Variants in ACSF2 observed in about 807,000 individuals in gnomAD.
The protein encoded by ACSF2 is acyl-CoA synthetase family member 2.
Under a neutral mutation model 79.3 loss-of-function variants are expected in ACSF2, and 52 were observed. The observed-to-expected ratio is 0.66, with a 90% CI of 0.53 to 0.83. The LOEUF (loss-of-function observed/expected upper bound fraction) is 0.83, where lower values mean the gene tolerates loss of function less well. Among genes scored for constraint, ACSF2 ranks in the 40% least tolerant of loss-of-function variants. The pLI, the probability that ACSF2 is intolerant of heterozygous loss-of-function variation, is 0.00. For synonymous variants in ACSF2, 283 were observed against 312.6 expected, an observed-to-expected ratio of 0.91 and a Z score of 1.00; for missense variants, 661 against 803.3, an observed-to-expected ratio of 0.82 and a Z score of 2.14.
chr17:50,469,048 A>T, intron 10 of ACSF2: 1 of 1,310,140 alleles, frequency 7.6e-7, no homozygotes, highest in Non-Finnish European at 9.7e-7. Context: ...CCAGCCGGCT[A>T]CCGTGCATGA....
Position 50,472,507 on chromosome 17 carries a change from T to A in ACSF2, c.1403T>A (p.Val468Asp). 2 of 1,612,968 alleles carry A rather than the reference T, an allele frequency of 1.2e-6. No individual in the cohort carries two copies. The highest frequency in any genetic ancestry group is 1.7e-6 in the Non-Finnish European group (2 of 1,179,488). The change falls in exon 12 of 16, where the codon GTC becomes GAC. Residue 468 changes from valine (V) to aspartate (D), a missense_variant. By Grantham distance (152) the Val-to-Asp change is radical. Transcript: ENST00000300441. Reference sequence around the variant, plus strand: ...GAGCTGTGCATCCGAGGGTACTGCGTCATGCTGGGCTACTGGGGTGAGCCT... The same window carrying A: ...GAGCTGTGCATCCGAGGGTACTGCGACATGCTGGGCTACTGGGGTGAGCCT... Reference protein sequence around the residue: ...PGELCIRGYCVMLGYWGEPQK... With the variant: ...PGELCIRGYCDMLGYWGEPQK...
At chr17:50,439,232 CTTTTTTTTTTTTT>C (rs754203020) in intron 1 of ACSF2, among the ~76,000 whole-genome samples, 5 of 96,464 alleles carry the variant, frequency 5.2e-5, no homozygotes, top group African/African-American at 2.3e-4. Context: ...TACCACACAG[CTTTTTTTTTTTTT>C]TTTTTTTTTT....
At position 50,461,686 on chromosome 17, in the gene ACSF2, G is replaced by T; in HGVS notation, c.507G>T (p.Lys169Asn). ...TGGAACTGGAGTATGTCCTCAAGAA[G>T]GTACAGCTCATTTGTCGGGGAGGGG... is the stretch of plus-strand genomic sequence containing the variant. ...QAMELEYVLK[K>N]VGCKALVFPK... The change falls in exon 4 of 16, where the codon AAG (lysine) becomes AAT (asparagine). Residue 169 changes from lysine (K) to asparagine (N), a missense_variant and splice_region_variant. Physicochemically the swap from Lys to Asn is moderately conservative, Grantham distance 94 (BLOSUM62 0). Transcript: ENST00000300441. 1.2e-6 allele frequency: 2 copies of T among 1,614,070 alleles called. No homozygotes were observed. Among genetic ancestry groups the T allele is most frequent in the Non-Finnish European group, 1.7e-6 (2 of 1,179,982 alleles).
intron 1 of ACSF2, among the ~76,000 whole-genome samples, chr17:50,456,998 G>A (rs114584429): frequency 1.1e-4 from 17 of 152,196 alleles, no homozygotes; most frequent in African/African-American, 3.1e-4. Context: ...TTGGGAGGTC[G>A]AGGCTTCAGT....
intron 1 of ACSF2, among the ~76,000 whole-genome samples, chr17:50,429,560 C>G (rs1465269314): frequency 6.6e-6 from 1 of 151,664 alleles, no homozygotes; most frequent in Non-Finnish European, 1.5e-5. Context: ...CTCTTGTTGC[C>G]CCAGGCTGGA....
intron 1 of ACSF2, among the ~76,000 whole-genome samples, chr17:50,447,455 T>C (rs1273749146): frequency 6.6e-6 from 1 of 151,576 alleles, no homozygotes; most frequent in East Asian, 1.9e-4. Flanking sequence ...GACAGGAGGA[T>C]CTCTTGAGCC....
At chr17:50,438,013 T>A (rs2030574311) in intron 1 of ACSF2, among the ~76,000 whole-genome samples, 1 of 152,246 alleles carries the variant, frequency 6.6e-6, no homozygotes, top group Non-Finnish European at 1.5e-5. Context: ...TAATATATGT[T>A]GTGCTGAAGC....
In ACSF2 at chr17:50,474,625, C is replaced by T. The variant is rs2033264458; in HGVS notation, c.*73C>T. 1 of 1,450,598 alleles carries T rather than the reference C, an allele frequency of 6.9e-7. No homozygotes were observed. Among genetic ancestry groups the T allele is most frequent in the South Asian group, 1.1e-5 (1 of 87,486 alleles). 89.9% of individuals were successfully genotyped at this position (1,450,598 alleles called of 1,614,324 possible). A position where few individuals can be genotyped will look rare whatever the true frequency, so the allele number is the denominator to read the frequency against. On this transcript the variant is annotated 3_prime_UTR_variant, in exon 16 of 16. Transcript: ENST00000300441. The surrounding 1 kb of genome is among the most constrained non-coding windows in gnomAD (Gnocchi z 4.2). ...CAGAATGCAACCTGGCTTTATGCAC[C>T]TAGATGTCCCCAGCACCCAGTTCTG...
chr17:50,462,433 A>T lies in ACSF2; in HGVS notation c.640A>T (p.Thr214Ser). Reference sequence around the variant, plus strand: ...CCCCAACCCCAGGCTCCCAGATCTGACCACAGTCATCTCGGTGGATGCCCC... The same window carrying T: ...CCCCAACCCCAGGCTCCCAGATCTGTCCACAGTCATCTCGGTGGATGCCCC... ...ALKSQRLPDL[T>S]TVISVDAPLP... Residue 214 changes from threonine to serine, a missense_variant, in exon 6 of 16, where the codon ACC becomes TCC. Coordinates refer to ENST00000300441, the MANE Select transcript of ACSF2 (RefSeq NM_025149.6). 6.2e-7 allele frequency: 1 copy of T among 1,611,402 alleles called. No individual in the cohort carries two copies. Among genetic ancestry groups the T allele is most frequent in the Non-Finnish European group, 8.5e-7 (1 of 1,179,392 alleles).
rs1159535740 is a variant in ACSF2, at chr17:50,463,442, C to T, written c.936C>T (p.Cys312=). The T allele has an allele frequency of 6.2e-7, 1 of 1,614,154 alleles. No homozygotes were observed. Among genetic ancestry groups the T allele is most frequent in the South Asian group, 1.1e-5 (1 of 91,082 alleles). Reference sequence around the variant, plus strand: ...TCCTGCCCAACCCCCTGTACCATTGCCTGGGTTCCGTGGCAGGCACAATGA... The same window carrying T: ...TCCTGCCCAACCCCCTGTACCATTGTCTGGGTTCCGTGGCAGGCACAATGA... ...RMILPNPLYH[C]LGSVAGTMMC... Residue 312 remains cysteine (C), a synonymous_variant, in exon 8 of 16, where the codon TGC becomes TGT. Transcript: ENST00000300441. This position sits in a 1 kb window ranked among gnomAD's most constrained non-coding sequence, Gnocchi z 4.6.
chr17:50,462,585 G>C lies in ACSF2; in HGVS notation c.792G>C (p.Ser264=), dbSNP rs1369578487. Residue 264 remains serine, a splice_region_variant and synonymous_variant, in exon 6 of 16, where the codon TCG becomes TCC. Coordinates refer to ENST00000300441, the MANE Select transcript of ACSF2 (RefSeq NM_025149.6). ...ACCCCATCAACATCCAGTTCACCTC[G>C]GTAGGGCAGAGGTCTCCAGGCCCCA... The part of the protein sequence containing the change: ...CHDPINIQFT[S]GTTGSPKGAT... The C allele has an allele frequency of 1.1e-5, 17 of 1,612,322 alleles. No homozygotes were observed. The highest frequency in any genetic ancestry group is 1.4e-5 in the Non-Finnish European group (16 of 1,178,840).
At position 50,474,200 on chromosome 17, in the gene ACSF2, T is replaced by A; in HGVS notation, c.1730T>A (p.Ile577Asn). ...EEIKAFCKGK[I>N]SHFKIPKYIV... ...TACCTCCCTCCCTCTGGTCTGCAGA[T>A]CTCTCACTTCAAGATTCCGAAGTAC... Residue 577 changes from isoleucine (I) to asparagine (N), a missense_variant and splice_region_variant, in exon 15 of 16, where the codon ATC (isoleucine) becomes AAC (asparagine). Transcript: ENST00000300441. This position sits in a 1 kb window ranked among gnomAD's most constrained non-coding sequence, Gnocchi z 4.2. The A allele has an allele frequency of 6.2e-7, 1 of 1,614,126 alleles. No homozygotes were observed. The highest frequency in any genetic ancestry group is 1.1e-5 in the South Asian group (1 of 91,084).
At chr17:50,462,011 G>A (rs1025715062) in intron 4 of ACSF2, among the ~76,000 whole-genome samples, 173 bp from the exon 5 acceptor site, 10 of 151,504 alleles carry the variant, frequency 6.6e-5, no homozygotes, top group African/African-American at 2.2e-4. Context: ...TGTGTGTCTC[G>A]GGGCTGGTAC....
At chr17:50,457,699 A>C (rs556313477) in intron 1 of ACSF2, among the ~76,000 whole-genome samples, 68 of 152,298 alleles carry the variant, frequency 4.5e-4, no homozygotes, top group African/African-American at 1.6e-3. Flanking sequence ...TTGTTTACAT[A>C]CATTTCTCTT....
chr17:50,473,437 T>A, intron 12 of ACSF2: 1 of 560,804 alleles, frequency 1.8e-6, no homozygotes, highest in South Asian at 2.1e-5. Flanking sequence ...TATGTATAGA[T>A]GTGTTGAGAG....
At chr17:50,427,101 C>A in intron 1 of ACSF2, 3 of 1,015,326 alleles carry the variant, frequency 3.0e-6, no homozygotes, top group Non-Finnish European at 2.9e-6. Flanking sequence ...CTGTTAGCTT[C>A]AGCAGCACCA....
At position 50,473,879 on chromosome 17, in the gene ACSF2, C is replaced by A. The variant is rs1449915954; in HGVS notation, c.1618-15C>A. On this transcript the variant is annotated splice_polypyrimidine_tract_variant and intron_variant, in intron 13 of 15. Transcript: ENST00000300441. ...GAACACGGTGATGTCTGATATTTTT[C>A]TTTGGCCCTGGAAGGTGGTGGGAGT... The A allele has an allele frequency of 2.5e-6, 4 of 1,604,170 alleles. No homozygotes were observed. The highest frequency in any genetic ancestry group is 1.3e-5 in the African/African-American group (1 of 74,720).
intron 1 of ACSF2, among the ~76,000 whole-genome samples, chr17:50,437,986 A>G (rs1410363443): frequency 6.6e-6 from 1 of 152,222 alleles, no homozygotes; most frequent in Non-Finnish European, 1.5e-5. Flanking sequence ...CCCACCAGAG[A>G]GCCACCATCA....
chr17:50,463,973 G>T lies in ACSF2; in HGVS notation c.1138+64G>T, dbSNP rs536922711. On this transcript the variant is annotated intron_variant, in intron 9 of 15. Coordinates refer to ENST00000300441, the MANE Select transcript of ACSF2 (RefSeq NM_025149.6). The surrounding 1 kb of genome is among the most constrained non-coding windows in gnomAD (Gnocchi z 4.6). ...GCTGCTTCCCCCACAGGAATGGCCC[G>T]GGTGAGTTAGCTATGCTCCCAGTCT... is the stretch of plus-strand genomic sequence containing the variant. 2.0e-6 allele frequency: 3 copies of T among 1,534,214 alleles called. No individual in the cohort carries two copies. In the African/African-American group the frequency reaches 4.1e-5, roughly 21 times the overall value.
Sources: allele counts gnomAD v4.1 joint callset (sites outside exome capture counted in the v4.1 genomes callset), GRCh38; gene constraint gnomAD v4.1.1; non-coding constraint Gnocchi (gnomAD v3.1); transcripts MANE v1.5; gene names NCBI Gene and HGNC (gene_info 2026-07-23, HGNC 2026-07-21).